The following KIF13B variants were observed in gnomAD, a reference collection of about 807,000 sequenced individuals.
KIF13B encodes the protein kinesin-like protein KIF13B.
KIF13B carries 127 observed loss-of-function variants against 222.0 expected under a neutral mutation model. The observed-to-expected ratio is 0.57, with a 90% CI of 0.50 to 0.66. The LOEUF (loss-of-function observed/expected upper bound fraction) is 0.66, where lower values mean the gene tolerates loss of function less well. Among genes scored for constraint, KIF13B ranks in the 30% least tolerant of loss-of-function variants. The pLI is 0.00. For missense variants in KIF13B, 2,173 were observed against 2,379.0 expected, an observed-to-expected ratio of 0.91 and a Z score of 1.80; for synonymous variants, 976 against 919.0, an observed-to-expected ratio of 1.06 and a Z score of -1.12.
At chr8:29,103,241 C>CAAAA (rs55959844) in intron 35 of KIF13B, among the ~76,000 whole-genome samples, 2 of 83,630 alleles carry the variant, frequency 2.4e-5, no homozygotes, top group African/African-American at 4.2e-5. Context: ...GACTCTGTCT[C>CAAAA]AAAAAAAAAA....
intron 37 of KIF13B, among the ~76,000 whole-genome samples, chr8:29,076,465 G>T (rs1807564159): frequency 6.6e-6 from 1 of 152,238 alleles, no homozygotes; most frequent in South Asian, 2.1e-4. Flanking sequence ...GCTCTTGTGC[G>T]TCTGGGCACT....
intron 38 of KIF13B, 86 bp from the exon 39 acceptor site, chr8:29,072,402 T>C (rs1807341030): frequency 1.1e-6 from 1 of 910,556 alleles, no homozygotes; most frequent in African/African-American, 1.7e-5. Context: ...GAAAAGAGCA[T>C]GAGGCCAGGG....
chr8:29,251,617 A>C (rs1586989376), intron 1 of KIF13B, among the ~76,000 whole-genome samples: 1 of 152,146 alleles, frequency 6.6e-6, no homozygotes, highest in South Asian at 2.1e-4. Flanking sequence ...GGGGAAAATG[A>C]GAAAGAGGAG....
chr8:29,263,152 G>A (rs1038873666), upstream of KIF13B: 5 of 856,488 alleles, frequency 5.8e-6, no homozygotes, highest in Non-Finnish European at 8.7e-6. Context: ...CCGGGCTGGG[G>A]GCGGGGCCGG....
intron 36 of KIF13B, among the ~76,000 whole-genome samples, chr8:29,098,021 A>AT (rs1808613108): frequency 6.6e-6 from 1 of 151,834 alleles, no homozygotes; most frequent in Admixed American, 6.6e-5. Context: ...AATACAAAAA[A>AT]TTAGCTTGGC....
At chr8:29,141,242 G>GA (rs1383875920) in intron 19 of KIF13B, among the ~76,000 whole-genome samples, 3 of 151,898 alleles carry the variant, frequency 2.0e-5, no homozygotes, top group South Asian at 2.1e-4. Flanking sequence ...GCTGAGGCAG[G>GA]AAAATCACTT....
chr8:29,211,750 G>C (rs1421974758), intron 2 of KIF13B, among the ~76,000 whole-genome samples: 1 of 152,222 alleles, frequency 6.6e-6, no homozygotes, highest in Non-Finnish European at 1.5e-5. Context: ...ACAGAGGAAA[G>C]ATCTCCTTAA....
At chr8:29,078,775 T>C (rs1298550477) in intron 37 of KIF13B, among the ~76,000 whole-genome samples, 5 of 152,250 alleles carry the variant, frequency 3.3e-5, no homozygotes, top group African/African-American at 7.2e-5. Flanking sequence ...TGTATTCACA[T>C]TGCCCTGTAA....
Position 29,092,878 on chromosome 8 carries a change from C to T in KIF13B, c.4325G>A (p.Gly1442Glu), listed in dbSNP as rs773440014. The T allele has an allele frequency of 3.1e-6, 5 of 1,606,528 alleles. No homozygotes were observed. The Admixed American group carries it at 8.5e-5, about 27-fold the overall frequency. The change falls in exon 37 of 40, where the codon GGA becomes GAA. Residue 1442 changes from glycine (G) to glutamate (E), a missense_variant and splice_region_variant. Physicochemically the swap from Gly to Glu is moderately conservative, Grantham distance 98 (BLOSUM62 -2). Around this residue, in one of 2 missense-constraint regions of KIF13B, gnomAD observed 693 missense variants for 656.2 expected, o/e 1.06. Transcript: ENST00000524189. ...GTAGGATGCTGCAAGGTTACTGAGTCCTGCCCATATTACAGGGGAAAAAGA... is the reference window on the plus strand; with the variant it reads ...GTAGGATGCTGCAAGGTTACTGAGTTCTGCCCATATTACAGGGGAAAAAGA... ...SPQNNHSPDP[G>E]LSNLAASYLN...
chr8:29,215,494 G>A (rs1329469849), intron 2 of KIF13B, among the ~76,000 whole-genome samples: 1 of 152,162 alleles, frequency 6.6e-6, no homozygotes, highest in Non-Finnish European at 1.5e-5. Context: ...TCAAGGACCA[G>A]CTTGAGCAAC....
chr8:29,103,810 G>T (rs761773777), intron 35 of KIF13B, among the ~76,000 whole-genome samples: 1 of 152,198 alleles, frequency 6.6e-6, no homozygotes, highest in African/African-American at 2.4e-5. Flanking sequence ...TCCTCACTAA[G>T]TTACTCGGGG....
At chr8:29,160,623 T>C in intron 13 of KIF13B, 110 bp downstream of exon 13, 2 of 947,576 alleles carry the variant, frequency 2.1e-6, no homozygotes, top group Non-Finnish European at 3.0e-6. Flanking sequence ...GATGGTTCTA[T>C]AACTTTTTGC....
Position 29,069,631 on chromosome 8 carries a change from G to A in KIF13B, c.*873C>T, listed in dbSNP as rs1807158042. The A allele has an allele frequency of 6.6e-6, 1 of 152,296 alleles. No homozygotes were observed. The highest frequency in any genetic ancestry group is 6.5e-5 in the Admixed American group (1 of 15,288). 9.4% of individuals were successfully genotyped at this position (152,296 alleles called of 1,614,324 possible). ...TCCCCAGGACCCTCCACCTGGGCAG[G>A]AGGCCAGCAGCTCTGCAATGGCCAG... On this transcript the variant is annotated 3_prime_UTR_variant, in exon 40 of 40. Transcript: ENST00000524189.
chr8:29,139,022 C>A (rs867558788), intron 21 of KIF13B, among the ~76,000 whole-genome samples: 4 of 151,978 alleles, frequency 2.6e-5, no homozygotes, highest in Non-Finnish European at 5.9e-5. Flanking sequence ...GATGCTGGGG[C>A]GTGCCTGGGG....
At chr8:29,125,136 A>G (rs1186094487) in intron 26 of KIF13B, among the ~76,000 whole-genome samples, 2 of 152,222 alleles carry the variant, frequency 1.3e-5, no homozygotes, top group Non-Finnish European at 2.9e-5. Context: ...TCTGCTTTCT[A>G]TATGTCAAAA....
At chr8:29,172,015 C>T (rs989122917) in intron 10 of KIF13B, among the ~76,000 whole-genome samples, 1 of 151,496 alleles carries the variant, frequency 6.6e-6, no homozygotes, top group African/African-American at 2.4e-5. Flanking sequence ...ACCTCGGCCC[C>T]CCAAAGTGCT....
Position 29,228,472 on chromosome 8 carries a change from A to AAAAAAAAAAAAATATATATAT in KIF13B, c.149+16873_149+16874insATATATATATTTTTTTTTTTT. Among the ~76,000 whole-genome samples, 17 of 117,070 alleles carry AAAAAAAAAAAAATATATATAT rather than the reference A, an allele frequency of 1.5e-4. 1 individual carries two copies. The highest frequency in any genetic ancestry group is 2.9e-4 in the South Asian group (1 of 3,486). 76.8% of individuals were successfully genotyped at this position (117,070 alleles called of 152,430 possible). On this transcript the variant is annotated intron_variant, in intron 2 of 39. Transcript: ENST00000524189. ...ACAGAGCCAGACTCCATCTTAAAAA[A>AAAAAAAAAAAAATATATATAT]ATATATATATATATATATGAGATAC...
Position 29,228,472 on chromosome 8 carries a change from A to AAAAAAAATATATAT in KIF13B, c.149+16873_149+16874insATATATATTTTTTT. Among the ~76,000 whole-genome samples, 395 of 117,068 alleles carry AAAAAAAATATATAT rather than the reference A, an allele frequency of 3.4e-3. 17 individuals are homozygous for AAAAAAAATATATAT. Among genetic ancestry groups the AAAAAAAATATATAT allele is most frequent in the South Asian group, 5.7e-3 (20 of 3,490 alleles). 76.8% of individuals were successfully genotyped at this position (117,068 alleles called of 152,430 possible). On this transcript the variant is annotated intron_variant, in intron 2 of 39. Coordinates refer to ENST00000524189, the MANE Select transcript of KIF13B (RefSeq NM_015254.4). ...ACAGAGCCAGACTCCATCTTAAAAA[A>AAAAAAAATATATAT]ATATATATATATATATATGAGATAC...
intron 35 of KIF13B, 63 bp from the exon 36 acceptor site, chr8:29,099,304 T>C (rs1363353977): frequency 2.7e-6 from 3 of 1,126,900 alleles, no homozygotes; most frequent in East Asian, 2.4e-5. Flanking sequence ...AAAAAAAAAT[T>C]ACAGATACTC....
Sources: gnomAD v4.1 joint callset for allele counts (sites outside exome capture counted in the v4.1 genomes callset) on GRCh38, gnomAD v4.1.1 for gene constraint, gnomAD v4.1.1 regional missense constraint, MANE v1.5 for transcripts, NCBI Gene and HGNC (gene_info 2026-07-23, HGNC 2026-07-21) for gene names.